CRPPA: variants seen among roughly 807,000 people sequenced by gnomAD.
CRPPA encodes the protein D-ribitol-5-phosphate cytidylyltransferase.
CRPPA carries 43 observed loss-of-function variants against 52.0 expected under a neutral mutation model. The observed-to-expected ratio is 0.83, with a 90% CI of 0.65 to 1.07. The LOEUF is 1.07. Ranked by LOEUF, CRPPA falls within the 50% of genes least tolerant of loss-of-function variation. The probability of loss-of-function intolerance (pLI) is 0.00; values close to 1 mark genes in which losing one functional copy is unlikely to be tolerated. For synonymous variants in CRPPA, 250 were observed against 203.5 expected, an observed-to-expected ratio of 1.23 and a Z score of -1.94; for missense variants, 629 against 551.7, an observed-to-expected ratio of 1.14 and a Z score of -1.40.
At chr7:16,411,262 A>T (rs1788070996) in intron 1 of CRPPA, among the ~76,000 whole-genome samples, 1 of 152,144 alleles carries the variant, frequency 6.6e-6, no homozygotes, top group Non-Finnish European at 1.5e-5. Flanking sequence ...CAGCTCAGAA[A>T]CTAAGGGACC....
intron 3 of CRPPA, among the ~76,000 whole-genome samples, chr7:16,365,828 T>G (rs1259983287): frequency 6.6e-6 from 1 of 152,170 alleles, no homozygotes; most frequent in Non-Finnish European, 1.5e-5. Context: ...TTCAAATATA[T>G]TTGTAATGTG....
At chr7:16,212,280 C>G (rs1296224317) in intron 9 of CRPPA, among the ~76,000 whole-genome samples, 2 of 152,134 alleles carry the variant, frequency 1.3e-5, no homozygotes, top group East Asian at 3.9e-4. Flanking sequence ...AAAATACTGA[C>G]TAAGCTACAT....
intron 9 of CRPPA, among the ~76,000 whole-genome samples, chr7:16,183,832 T>G (rs1336521451): frequency 2.0e-5 from 3 of 152,182 alleles, no homozygotes; most frequent in African/African-American, 7.2e-5. Flanking sequence ...TGAAAAGGTT[T>G]GGTATTATTT....
chr7:16,138,960 C>A (rs936165088), intron 9 of CRPPA, among the ~76,000 whole-genome samples: 2 of 152,106 alleles, frequency 1.3e-5, no homozygotes, highest in African/African-American at 4.8e-5. Context: ...CGCCACCACA[C>A]CCAGCTAATT....
At position 16,115,863 on chromosome 7, in the gene CRPPA, T is replaced by C. The variant is rs569125397; in HGVS notation, c.1252-24064A>G. Among the ~76,000 whole-genome samples, 4 of 152,136 alleles carry C rather than the reference T, an allele frequency of 2.6e-5. No individual in the cohort carries two copies. The East Asian group carries it at 7.7e-4, about 29-fold the overall frequency. ...ACTAATACTAATGAGTTCATTCAGA[T>C]AGATTAGATAGATAGAAAGGGAAAA... On this transcript the variant is annotated intron_variant, in intron 9 of 9. Transcript: ENST00000407010.
At chr7:16,096,430 A>C (rs540731692) in intron 9 of CRPPA, among the ~76,000 whole-genome samples, 4 of 152,292 alleles carry the variant, frequency 2.6e-5, no homozygotes, top group African/African-American at 9.6e-5. Context: ...TGAAAAATGG[A>C]AATTTTCAAC....
intron 9 of CRPPA, among the ~76,000 whole-genome samples, chr7:16,192,555 C>T (rs1365217596): frequency 2.0e-5 from 3 of 152,032 alleles, no homozygotes; most frequent in African/African-American, 7.2e-5. Context: ...TCTCTCTTGC[C>T]CTTTTCCACT....
At chr7:16,258,574 C>CTTAT in intron 7 of CRPPA, 92 bp from the exon 8 acceptor site, 1 of 687,576 alleles carries the variant, frequency 1.5e-6, no homozygotes, top group Non-Finnish European at 2.4e-6. Flanking sequence ...TTCTGCATAA[C>CTTAT]ATTCAAAATA....
At chr7:16,363,805 C>A (rs970116345) in intron 3 of CRPPA, among the ~76,000 whole-genome samples, 1 of 152,042 alleles carries the variant, frequency 6.6e-6, no homozygotes, top group Non-Finnish European at 1.5e-5. Context: ...GCAGACAATA[C>A]AATCATGGGA....
intron 9 of CRPPA, among the ~76,000 whole-genome samples, chr7:16,138,927 G>A (rs1306611241): frequency 6.6e-6 from 1 of 152,060 alleles, no homozygotes; most frequent in African/African-American, 2.4e-5. Context: ...TTGGCCTCCT[G>A]AGTAGCTGGG....
chr7:16,255,786 A>G (rs1193938074), intron 8 of CRPPA, among the ~76,000 whole-genome samples: 2 of 152,342 alleles, frequency 1.3e-5, no homozygotes, highest in Non-Finnish European at 2.9e-5. Flanking sequence ...TTATACAAAA[A>G]TTAACTCAAG....
chr7:16,187,960 G>C (rs1281874314), intron 9 of CRPPA, among the ~76,000 whole-genome samples: 10 of 151,952 alleles, frequency 6.6e-5, no homozygotes, highest in African/African-American at 2.4e-4. Flanking sequence ...GAGTGTTTCA[G>C]GCTGTAAGGT....
At chr7:16,161,200 G>C (rs1037878600) in intron 9 of CRPPA, among the ~76,000 whole-genome samples, 1 of 152,034 alleles carries the variant, frequency 6.6e-6, no homozygotes, top group Non-Finnish European at 1.5e-5. Context: ...CTTTGCCCTG[G>C]CCAGAACTTC....
chr7:16,245,774 A>G (rs1192481805), intron 8 of CRPPA, among the ~76,000 whole-genome samples: 2 of 152,230 alleles, frequency 1.3e-5, no homozygotes, highest in Non-Finnish European at 2.9e-5. Flanking sequence ...TTTATTTCCC[A>G]TGTCATATAA....
intron 9 of CRPPA, among the ~76,000 whole-genome samples, chr7:16,149,883 G>T (rs1321438185): frequency 6.6e-6 from 1 of 151,866 alleles, no homozygotes; most frequent in Admixed American, 6.6e-5. Flanking sequence ...CTACTCGGGA[G>T]GCTGAGGCAG....
At chr7:16,385,018 G>C (rs907224804) in intron 2 of CRPPA, among the ~76,000 whole-genome samples, 13 of 152,106 alleles carry the variant, frequency 8.5e-5, no homozygotes, top group African/African-American at 3.1e-4. Context: ...GAATTGAAAA[G>C]TATAACTATA....
At chr7:16,217,001 C>T (rs1244571242) in intron 8 of CRPPA, among the ~76,000 whole-genome samples, 1 of 151,948 alleles carries the variant, frequency 6.6e-6, no homozygotes, top group Non-Finnish European at 1.5e-5. Flanking sequence ...CACAGACAAA[C>T]AAAAAGACAG....
intron 1 of CRPPA, among the ~76,000 whole-genome samples, chr7:16,417,986 G>A (rs1317830625): frequency 6.6e-6 from 1 of 152,182 alleles, no homozygotes; most frequent in African/African-American, 2.4e-5. Flanking sequence ...CAAAAAAGTA[G>A]TCTTATAAGG....
intron 6 of CRPPA, among the ~76,000 whole-genome samples, chr7:16,265,630 C>T (rs1295142): frequency 0.15 from 22,276 of 152,148 alleles, 1,775 homozygotes; most frequent in African/African-American, 0.22. Context: ...ATGCACACTG[C>T]TATATTAAAT....
Sources: allele counts gnomAD v4.1 joint callset (sites outside exome capture counted in the v4.1 genomes callset), GRCh38; gene constraint gnomAD v4.1.1; transcripts MANE v1.5; gene names NCBI Gene and HGNC (gene_info 2026-07-23, HGNC 2026-07-21).